INSYN2B: variants seen among roughly 807,000 people sequenced by gnomAD.
The protein encoded by INSYN2B is inhibitory synaptic factor family member 2B, also known as protein INSYN2B.
In INSYN2B, 16 loss-of-function variants were observed where a neutral mutation model predicts 41.2. The ratio of observed to expected loss-of-function variants is 0.39; its 90% CI spans 0.26 to 0.59. INSYN2B has a LOEUF of 0.59. INSYN2B is among the 20% of genes least tolerant of loss of function. The pLI, the probability that INSYN2B is intolerant of heterozygous loss-of-function variation, is 0.57. For synonymous variants in INSYN2B, 245 were observed against 244.4 expected, an observed-to-expected ratio of 1.00 and a Z score of -0.02; for missense variants, 608 against 646.4, an observed-to-expected ratio of 0.94 and a Z score of 0.64.
chr5:169,926,177 C>T (rs1389356944), intron 1 of INSYN2B, among the ~76,000 whole-genome samples: 2 of 152,106 alleles, frequency 1.3e-5, no homozygotes, highest in African/African-American at 4.8e-5. Context: ...CTATAGTCGG[C>T]ATGGATGTGG....
chr5:169,955,953 T>G lies in INSYN2B; in HGVS notation c.-919+24324A>C, dbSNP rs182352259. On this transcript the variant is annotated intron_variant, in intron 1 of 3. Coordinates refer to ENST00000377365, the MANE Select transcript of INSYN2B (RefSeq NM_001129891.3). ...TTTGGGCAACTAATGTGCCTAAGCC[T>G]GGGTCATGAGAGTCCTAAAAAGGAA... Among the ~76,000 whole-genome samples the G allele has an allele frequency of 5.6e-3, 847 of 151,580 alleles. 5 individuals carry two copies. The highest frequency in any genetic ancestry group is 7.2e-3 in the Non-Finnish European group (492 of 67,942).
At chr5:169,881,474 A>G (rs1236201178) in intron 2 of INSYN2B, 32 bp from the exon 3 acceptor site, 8 of 1,539,790 alleles carry the variant, frequency 5.2e-6, no homozygotes, top group East Asian at 2.4e-5. Context: ...GGATAAATCT[A>G]TGGGCAAAAG....
intron 1 of INSYN2B, among the ~76,000 whole-genome samples, chr5:169,969,867 ATT>A (rs1777437370): frequency 6.6e-6 from 1 of 152,238 alleles, no homozygotes; most frequent in South Asian, 2.1e-4. Flanking sequence ...ATAGACTGGG[ATT>A]GCTGGATCTT....
At chr5:169,972,586 T>TGATAGATAGATA (rs1554122914) in intron 1 of INSYN2B, among the ~76,000 whole-genome samples, 2 of 69,040 alleles carry the variant, frequency 2.9e-5, no homozygotes, top group South Asian at 4.6e-4. Context: ...GATAGATAGA[T>TGATAGATAGATA]GATAGATAGA....
chr5:169,946,286 C>T (rs1384166629), intron 1 of INSYN2B, among the ~76,000 whole-genome samples: 4 of 152,186 alleles, frequency 2.6e-5, no homozygotes, highest in Non-Finnish European at 5.9e-5. Context: ...CCAGCCCAGC[C>T]AGGGGTATCC....
intron 1 of INSYN2B, among the ~76,000 whole-genome samples, chr5:169,949,883 A>G (rs971079836): frequency 3.9e-5 from 6 of 152,014 alleles, no homozygotes; most frequent in African/African-American, 1.2e-4. Context: ...TTCACCATAC[A>G]TACGTGCTCA....
intron 1 of INSYN2B, among the ~76,000 whole-genome samples, chr5:169,963,763 A>T (rs139582981): frequency 3.9e-5 from 6 of 151,916 alleles, no homozygotes; most frequent in East Asian, 3.9e-4. Context: ...CCCTAGCATC[A>T]TTCACTCACT....
At chr5:169,966,189 G>A (rs1777291956) in intron 1 of INSYN2B, among the ~76,000 whole-genome samples, 1 of 152,162 alleles carries the variant, frequency 6.6e-6, no homozygotes, top group Non-Finnish European at 1.5e-5. Flanking sequence ...TTGATTTAGT[G>A]CAGTAAGGAT....
chr5:169,933,736 T>G (rs1775865639), intron 1 of INSYN2B, among the ~76,000 whole-genome samples: 1 of 152,158 alleles, frequency 6.6e-6, no homozygotes, highest in Non-Finnish European at 1.5e-5. Flanking sequence ...AGACACCCAC[T>G]TCTCAGACTT....
chr5:169,907,224 C>T (rs975835603), intron 1 of INSYN2B, among the ~76,000 whole-genome samples: 1 of 152,170 alleles, frequency 6.6e-6, no homozygotes, highest in Non-Finnish European at 1.5e-5. Context: ...CTTGATTTTG[C>T]ATTTGGTTTG....
chr5:169,892,212 C>T (rs1197851147), intron 1 of INSYN2B, among the ~76,000 whole-genome samples: 1 of 152,006 alleles, frequency 6.6e-6, no homozygotes, highest in Non-Finnish European at 1.5e-5. Context: ...AGTCCTGGGA[C>T]TCAAAGCAAA....
At chr5:169,947,206 T>C (rs549517109) in intron 1 of INSYN2B, among the ~76,000 whole-genome samples, 2 of 152,350 alleles carry the variant, frequency 1.3e-5, no homozygotes, top group African/African-American at 4.8e-5. Flanking sequence ...AGCAGTCTGA[T>C]AGGGGAAGCT....
intron 1 of INSYN2B, among the ~76,000 whole-genome samples, chr5:169,955,413 G>A: frequency 6.6e-6 from 1 of 152,174 alleles, no homozygotes; most frequent in South Asian, 2.1e-4. Flanking sequence ...GAGACTGGGA[G>A]GGAAGAAAGG....
chr5:169,875,468 G>A (rs1446850429), intron 3 of INSYN2B: 1 of 346,608 alleles, frequency 2.9e-6, no homozygotes, highest in Non-Finnish European at 5.8e-6. Flanking sequence ...ATATCCTTCA[G>A]ATGAGTCTGG....
intron 1 of INSYN2B, among the ~76,000 whole-genome samples, chr5:169,936,867 T>C (rs919229112): frequency 6.6e-5 from 10 of 152,246 alleles, no homozygotes; most frequent in African/African-American, 2.2e-4. Context: ...GATAGAATTA[T>C]AACGACACCC....
At chr5:169,918,967 G>A (rs1775027943) in intron 1 of INSYN2B, among the ~76,000 whole-genome samples, 1 of 152,074 alleles carries the variant, frequency 6.6e-6, no homozygotes, top group African/African-American at 2.4e-5. Context: ...GAGTATGTAA[G>A]ATGAAAAATG....
At chr5:169,888,869 A>T (rs1342966449) in intron 1 of INSYN2B, among the ~76,000 whole-genome samples, 1 of 152,242 alleles carries the variant, frequency 6.6e-6, no homozygotes, top group Non-Finnish European at 1.5e-5. Context: ...CCCTTGGGAT[A>T]GTAAACTGTA....
chr5:169,975,467 C>T (rs2113772756), intron 1 of INSYN2B, among the ~76,000 whole-genome samples: 1 of 152,306 alleles, frequency 6.6e-6, no homozygotes, highest in South Asian at 2.1e-4. Flanking sequence ...TCTCTCTGAC[C>T]TCATCATATA....
intron 1 of INSYN2B, among the ~76,000 whole-genome samples, chr5:169,954,361 C>T (rs1025127398): frequency 6.6e-6 from 1 of 152,140 alleles, no homozygotes; most frequent in African/African-American, 2.4e-5. Flanking sequence ...TATAACATTC[C>T]ATTATGTAGA....
Sources: allele counts gnomAD v4.1 joint callset (sites outside exome capture counted in the v4.1 genomes callset), GRCh38; gene constraint gnomAD v4.1.1; transcripts MANE v1.5; gene names NCBI Gene and HGNC (gene_info 2026-07-23, HGNC 2026-07-21).